ATXN1: variants seen among roughly 807,000 people sequenced by gnomAD.
ATXN1 encodes ataxin-1.
ATXN1 carries 8 observed loss-of-function variants against 56.4 expected under a neutral mutation model. That is an observed-to-expected ratio of 0.14 (90% CI 0.08 to 0.26). ATXN1 has a LOEUF of 0.26. Among genes scored for constraint, ATXN1 ranks in the 10% least tolerant of loss-of-function variants. The pLI is 1.00. For missense variants in ATXN1, 987 were observed against 1,106.5 expected (o/e 0.89, Z 1.53); for synonymous variants, 514 against 494.6 (o/e 1.04, Z -0.52).
intron 6 of ATXN1, among the ~76,000 whole-genome samples, chr6:16,449,709 G>A (rs1327004308): frequency 6.6e-6 from 1 of 152,116 alleles, no homozygotes; most frequent in African/African-American, 2.4e-5. Flanking sequence ...TGTTTTAAGT[G>A]AACACGTTTT....
chr6:16,611,795 T>C (rs535458762), intron 3 of ATXN1, among the ~76,000 whole-genome samples: 2 of 147,980 alleles, frequency 1.4e-5, no homozygotes, highest in Non-Finnish European at 1.5e-5. Context: ...AGACATGCAA[T>C]AATGTTAAAG....
chr6:16,498,648 A>T (rs1046132844), intron 5 of ATXN1, among the ~76,000 whole-genome samples: 1 of 152,094 alleles, frequency 6.6e-6, no homozygotes, highest in Non-Finnish European at 1.5e-5. Flanking sequence ...GCTTGCCAAC[A>T]CTTGTTATTT....
At chr6:16,660,399 A>G (rs1004591688) in intron 2 of ATXN1, among the ~76,000 whole-genome samples, 13 of 152,238 alleles carry the variant, frequency 8.5e-5, no homozygotes, top group African/African-American at 3.1e-4. Flanking sequence ...CCAATTTGAT[A>G]GACATTTTGG....
intron 6 of ATXN1, among the ~76,000 whole-genome samples, chr6:16,346,867 C>G (rs1214528554): frequency 1.3e-5 from 2 of 152,234 alleles, no homozygotes; most frequent in Non-Finnish European, 2.9e-5. Context: ...CCTCAGCTTG[C>G]GCGGAGGTGT....
intron 2 of ATXN1, among the ~76,000 whole-genome samples, chr6:16,661,984 A>T (rs1758330060): frequency 6.6e-6 from 1 of 152,264 alleles, no homozygotes; most frequent in Non-Finnish European, 1.5e-5. Context: ...TGTTGTTTTA[A>T]GCCACTAAGA....
intron 7 of ATXN1, among the ~76,000 whole-genome samples, chr6:16,322,603 C>G (rs187357519): frequency 6.6e-6 from 1 of 152,142 alleles, no homozygotes; most frequent in East Asian, 1.9e-4. Flanking sequence ...GTCAGCAGTG[C>G]CTAACCAGTT....
chr6:16,318,777 G>C (rs940025691), intron 7 of ATXN1, among the ~76,000 whole-genome samples: 1 of 152,176 alleles, frequency 6.6e-6, no homozygotes, highest in Non-Finnish European at 1.5e-5. Flanking sequence ...GTGGCTCACA[G>C]AGCTCCCTTG....
intron 4 of ATXN1, among the ~76,000 whole-genome samples, chr6:16,557,650 C>A (rs1762039415): frequency 6.6e-6 from 1 of 152,118 alleles, no homozygotes; most frequent in Admixed American, 6.5e-5. Context: ...TGTGCATGGG[C>A]ACAGGAATAC....
chr6:16,322,030 C>T (rs1026554723), intron 7 of ATXN1, among the ~76,000 whole-genome samples: 7 of 152,012 alleles, frequency 4.6e-5, no homozygotes, highest in African/African-American at 1.2e-4. Flanking sequence ...CAGACCAGCA[C>T]GGGCAAGATA....
intron 3 of ATXN1, among the ~76,000 whole-genome samples, chr6:16,651,157 A>G (rs1763885689): frequency 1.3e-5 from 2 of 152,182 alleles, no homozygotes; most frequent in South Asian, 2.1e-4. Flanking sequence ...GCTTCTTGGA[A>G]GCCACTGCAG....
At chr6:16,366,671 C>T (rs1761927311) in intron 6 of ATXN1, among the ~76,000 whole-genome samples, 1 of 151,416 alleles carries the variant, frequency 6.6e-6, no homozygotes, top group Non-Finnish European at 1.5e-5. Context: ...ATCCCAGCTA[C>T]TCGGGAGGCT....
chr6:16,578,917 C>G (rs1315371819), intron 4 of ATXN1, among the ~76,000 whole-genome samples: 3 of 152,192 alleles, frequency 2.0e-5, no homozygotes, highest in African/African-American at 7.2e-5. Context: ...GACTTTGGGG[C>G]AAACCATCCT....
intron 5 of ATXN1, among the ~76,000 whole-genome samples, chr6:16,519,924 G>A (rs1363890820): frequency 6.6e-6 from 1 of 152,208 alleles, no homozygotes; most frequent in Non-Finnish European, 1.5e-5. Flanking sequence ...CAGGCCCCAG[G>A]AGGGGAAAGG....
intron 3 of ATXN1, among the ~76,000 whole-genome samples, chr6:16,630,791 CAGAG>C (rs1336644037): frequency 2.0e-5 from 3 of 152,156 alleles, no homozygotes; most frequent in South Asian, 2.1e-4. Flanking sequence ...AATCTGTTCA[CAGAG>C]AGAATGATTC....
chr6:16,721,570 T>A (rs1759745845), intron 2 of ATXN1, among the ~76,000 whole-genome samples: 1 of 152,154 alleles, frequency 6.6e-6, no homozygotes, highest in South Asian at 2.1e-4. Context: ...GAGGCTGCAG[T>A]GAGCTATGAT....
intron 6 of ATXN1, among the ~76,000 whole-genome samples, chr6:16,331,141 T>C (rs1394714454): frequency 6.6e-6 from 1 of 152,080 alleles, no homozygotes; most frequent in Non-Finnish European, 1.5e-5. Context: ...GCTGGGATTA[T>C]AGGCGGCTGC....
chr6:16,757,053 A>G (rs1313365212), intron 1 of ATXN1, among the ~76,000 whole-genome samples: 1 of 152,244 alleles, frequency 6.6e-6, no homozygotes, highest in African/African-American at 2.4e-5. Flanking sequence ...TATTTCAATA[A>G]TCTCAGCACT....
At chr6:16,356,834 T>C (rs1761697687) in intron 6 of ATXN1, among the ~76,000 whole-genome samples, 1 of 152,180 alleles carries the variant, frequency 6.6e-6, no homozygotes, top group East Asian at 1.9e-4. Flanking sequence ...TTGTCAAACA[T>C]TTTTAGGAAG....
At position 16,714,181 on chromosome 6, in the gene ATXN1, CCACA is replaced by C. The variant is rs70999343; in HGVS notation, c.-615+39048_-615+39051del. 5.4e-3 allele frequency among the ~76,000 whole-genome samples: 748 copies of C among 137,626 alleles called. 7 individuals carry two copies. The highest frequency in any genetic ancestry group is 6.2e-3 in the Admixed American group (84 of 13,606). 90.3% of individuals were successfully genotyped at this position (137,626 alleles called of 152,430 possible). On this transcript the variant is annotated intron_variant, in intron 2 of 7. Coordinates refer to ENST00000436367, the MANE Select transcript of ATXN1 (RefSeq NM_001128164.2). ...AAAGAAAGAAAAAAAAAACCACACA[CCACA>C]CACACACACACACACACACACACAC...
Sources: allele counts gnomAD v4.1 joint callset (sites outside exome capture counted in the v4.1 genomes callset), GRCh38; gene constraint gnomAD v4.1.1; transcripts MANE v1.5; gene names NCBI Gene and HGNC (gene_info 2026-07-23, HGNC 2026-07-21).